The following DPP6 variants were observed in gnomAD, a reference collection of about 807,000 sequenced individuals.
DPP6 encodes the protein A-type potassium channel modulatory protein DPP6.
A neutral mutation model predicts 122.6 loss-of-function variants in DPP6; 69 were observed. The observed-to-expected ratio is 0.56, with a 90% CI of 0.46 to 0.69. The LOEUF is 0.69. Ranked by LOEUF, DPP6 falls within the 30% of genes least tolerant of loss-of-function variation. The pLI, the probability that DPP6 is intolerant of heterozygous loss-of-function variation, is 0.00. For missense variants in DPP6, 928 were observed against 1,116.9 expected, an observed-to-expected ratio of 0.83 and a Z score of 2.41; for synonymous variants, 418 against 433.1, an observed-to-expected ratio of 0.97 and a Z score of 0.43.
rs1355884713 is a variant in DPP6, at chr7:154,148,303, ACT to A, written c.243+95245_243+95246del. On this transcript the variant is annotated intron_variant, in intron 1 of 25. Transcript: ENST00000377770. ...TGAGGGACCATGGGGTCAGCCTCAG[ACT>A]CTCTGCACATGTTTGCTGGCCAACG... 1.4e-3 allele frequency among the ~76,000 whole-genome samples: 169 copies of A among 117,482 alleles called. 1 individual carries two copies. Among genetic ancestry groups the A allele is most frequent in the African/African-American group, 4.6e-3 (148 of 32,392 alleles). 77.1% of individuals were successfully genotyped at this position (117,482 alleles called of 152,430 possible).
Position 154,727,906 on chromosome 7 carries a change from G to A in DPP6, c.883+19G>A, listed in dbSNP as rs758214467. ...TATGAAGGTAAGATGTGCACAGAGA[G>A]AAAAAAGGAAGATTTGTGGTTGCTG... On this transcript the variant is annotated intron_variant, in intron 8 of 25. Coordinates refer to ENST00000377770, the MANE Select transcript of DPP6 (RefSeq NM_130797.4). 1.9e-5 allele frequency: 29 copies of A among 1,560,614 alleles called. No homozygotes were observed. Among genetic ancestry groups the A allele is most frequent in the Middle Eastern group, 1.7e-4 (1 of 5,870 alleles).
chr7:153,767,759 T>C, the DPP6 span, among the ~76,000 whole-genome samples: 2 of 152,166 alleles, frequency 1.3e-5, no homozygotes, highest in Non-Finnish European at 1.5e-5. Context: ...CAAGAATAGC[T>C]CAAATGCCAC....
In DPP6 at chr7:154,618,507, C is replaced by T. The variant is rs1320643971; in HGVS notation, c.628-19314C>T. Among the ~76,000 whole-genome samples, 1 of 152,250 alleles carries T rather than the reference C, an allele frequency of 6.6e-6. No homozygotes were observed. The highest frequency in any genetic ancestry group is 1.9e-4 in the East Asian group (1 of 5,168). On this transcript the variant is annotated intron_variant, in intron 5 of 25. Coordinates refer to ENST00000377770, the MANE Select transcript of DPP6 (RefSeq NM_130797.4). The surrounding 1 kb of genome is among the most constrained non-coding windows in gnomAD (Gnocchi z 4.1). ...TCAAAATCAGGGTGCAGGTAGGAGCCTTAGACAATTTCTAGTTTGACTCTC... is the reference window on the plus strand; with the variant it reads ...TCAAAATCAGGGTGCAGGTAGGAGCTTTAGACAATTTCTAGTTTGACTCTC...
chr7:153,869,820 T>C, the DPP6 span, among the ~76,000 whole-genome samples: 25 of 152,320 alleles, frequency 1.6e-4, no homozygotes, highest in African/African-American at 5.8e-4. Context: ...AGTGCTTCCT[T>C]CAGGAGCTCT....
At chr7:154,610,948 A>C (rs139454489) in intron 5 of DPP6, among the ~76,000 whole-genome samples, 73 of 152,302 alleles carry the variant, frequency 4.8e-4, no homozygotes, top group African/African-American at 1.6e-3. Flanking sequence ...ATTGACACTG[A>C]ATCATCTTTC....
At chr7:153,865,489 T>C in the DPP6 span, among the ~76,000 whole-genome samples, 1 of 152,184 alleles carries the variant, frequency 6.6e-6, no homozygotes, top group African/African-American at 2.4e-5. Context: ...TAACTACAGC[T>C]TGGGGTTTTA....
At chr7:154,098,772 T>A (rs190582345) in intron 1 of DPP6, among the ~76,000 whole-genome samples, 165 of 152,142 alleles carry the variant, frequency 1.1e-3, no homozygotes, top group Middle Eastern at 3.4e-3. Flanking sequence ...GCCTCCATGA[T>A]CGCTACTGCA....
intron 7 of DPP6, among the ~76,000 whole-genome samples, chr7:154,701,019 C>T (rs577431791): frequency 2.6e-5 from 4 of 152,252 alleles, no homozygotes; most frequent in South Asian, 4.2e-4. Flanking sequence ...TCATCCCCAT[C>T]ACCCCCCATC....
intron 1 of DPP6, among the ~76,000 whole-genome samples, chr7:154,275,809 C>A (rs1458640118): frequency 1.3e-5 from 2 of 152,216 alleles, no homozygotes; most frequent in Admixed American, 1.3e-4. Flanking sequence ...ACCTTAATGG[C>A]CTTAAAGGCC....
chr7:153,892,624 G>C (rs372617208), intron 1 of DPP6, among the ~76,000 whole-genome samples: 27 of 152,198 alleles, frequency 1.8e-4, no homozygotes, highest in East Asian at 1.2e-3. Flanking sequence ...ATTGAAGTCT[G>C]TGGGGACAGC....
In DPP6 at chr7:154,203,215, T is replaced by C. The variant is rs148411261; in HGVS notation, c.243+150152T>C. ...TAATGTTTGCAGCTAGCATTTAGAG[T>C]GCATGGGGCTGCTGATGTGTTGATG... On this transcript the variant is annotated intron_variant, in intron 1 of 25. Transcript: ENST00000377770. 6.6e-3 allele frequency among the ~76,000 whole-genome samples: 1,008 copies of C among 152,226 alleles called. 6 individuals carry two copies. Among genetic ancestry groups the C allele is most frequent in the African/African-American group, 0.023 (969 of 41,524 alleles).
chr7:153,776,072 A>G, the DPP6 span, among the ~76,000 whole-genome samples: 3 of 152,186 alleles, frequency 2.0e-5, no homozygotes, highest in Non-Finnish European at 4.4e-5. Flanking sequence ...CAAGTTCATT[A>G]TAAAATGTGC....
rs143892733 is a variant in DPP6, at chr7:154,444,266, G to A, written c.244-1948G>A. Among the ~76,000 whole-genome samples, 1,017 of 151,728 alleles carry A rather than the reference G, an allele frequency of 6.7e-3. 13 individuals carry two copies. The highest frequency in any genetic ancestry group is 0.023 in the African/African-American group (968 of 41,330). On this transcript the variant is annotated intron_variant, in intron 1 of 25. Coordinates refer to ENST00000377770, the MANE Select transcript of DPP6 (RefSeq NM_130797.4). ...AGGTCAGGAGATTAAGACCATTCTG[G>A]CTAACATGGTGAAACCCTGTCTCTA...
At chr7:154,157,796 G>A (rs1796761007) in intron 1 of DPP6, among the ~76,000 whole-genome samples, 1 of 151,918 alleles carries the variant, frequency 6.6e-6, no homozygotes, top group African/African-American at 2.4e-5. Context: ...AGCTGGGCGT[G>A]GTGGCACATG....
chr7:153,826,834 C>T, the DPP6 span, among the ~76,000 whole-genome samples: 1 of 141,110 alleles, frequency 7.1e-6, no homozygotes, highest in Non-Finnish European at 1.6e-5. Context: ...AAATTATATT[C>T]AGCAAATATA....
chr7:154,297,063 G>GTTTTTTTTTTTTTT (rs34506058), intron 1 of DPP6, among the ~76,000 whole-genome samples: 69 of 125,180 alleles, frequency 5.5e-4, no homozygotes, highest in Non-Finnish European at 7.4e-4. Flanking sequence ...AATGTATTCT[G>GTTTTTTTTTTTTTT]TTTTTTTTTT....
Position 153,924,183 on chromosome 7 carries a change from C to A in DPP6, c.51+36449C>A, listed in dbSNP as rs577738045. On this transcript the variant is annotated intron_variant, in intron 1 of 25. Coordinates refer to the DPP6 transcript ENST00000404039. The stretch of plus-strand genomic sequence containing the variant: ...CAGGCTGGAGTGCAATGGCGCGATC[C>A]CTGTGATCTCCGCCTCCTGAGTTCA... Among the ~76,000 whole-genome samples the A allele has an allele frequency of 3.9e-3, 592 of 151,762 alleles. 4 individuals are homozygous for A. The highest frequency in any genetic ancestry group is 0.014 in the African/African-American group (565 of 41,420).
chr7:154,367,061 G>A (rs1359751086), intron 1 of DPP6, among the ~76,000 whole-genome samples: 4 of 152,174 alleles, frequency 2.6e-5, no homozygotes, highest in African/African-American at 7.2e-5. Context: ...TCTTAGGGGA[G>A]GAGGCAACGA....
chr7:154,676,800 CA>C (rs1838940734), intron 7 of DPP6, among the ~76,000 whole-genome samples: 1 of 152,224 alleles, frequency 6.6e-6, no homozygotes, highest in Non-Finnish European at 1.5e-5. Flanking sequence ...CATTTTGAGG[CA>C]GGAACTACGT....
Sources: allele counts gnomAD v4.1 joint callset (sites outside exome capture counted in the v4.1 genomes callset), GRCh38; gene constraint gnomAD v4.1.1; non-coding constraint Gnocchi (gnomAD v3.1); transcripts MANE v1.5; gene names NCBI Gene and HGNC (gene_info 2026-07-23, HGNC 2026-07-21).